Variants in NDUFA8 observed in about 807,000 individuals in gnomAD.
NDUFA8 encodes the protein NADH dehydrogenase [ubiquinone] 1 alpha subcomplex subunit 8.
In NDUFA8, 16 loss-of-function variants were observed where a neutral mutation model predicts 20.9. The observed-to-expected ratio is 0.77, with a 90% CI of 0.52 to 1.16. The LOEUF is 1.16. Ranked by LOEUF, NDUFA8 falls within the 50% of genes most tolerant of loss-of-function variation. The probability of loss-of-function intolerance (pLI) is 0.00; values close to 1 mark genes in which losing one functional copy is unlikely to be tolerated. For synonymous variants in NDUFA8, 70 were observed against 76.1 expected (o/e 0.92, Z 0.41); for missense variants, 202 against 216.4 (o/e 0.93, Z 0.42).
At chr9:122,138,941 G>A in the NDUFA8 span, among the ~76,000 whole-genome samples, 1 of 151,798 alleles carries the variant, frequency 6.6e-6, no homozygotes, top group Non-Finnish European at 1.5e-5. Flanking sequence ...ATGGAGTGTT[G>A]GGGGACAGTA....
At chr9:122,143,949 G>A (rs1481938183), downstream of NDUFA8, 4 of 722,648 alleles carry the variant, frequency 5.5e-6, no homozygotes, top group African/African-American at 1.8e-5. Flanking sequence ...ACATGAGCGA[G>A]TGCCTAAAGC....
downstream of NDUFA8, among the ~76,000 whole-genome samples, chr9:122,142,046 G>C (rs1426077236): frequency 1.3e-5 from 2 of 152,200 alleles, no homozygotes; most frequent in Non-Finnish European, 2.9e-5. Flanking sequence ...AACAGTGCTA[G>C]AAGTTGCAGC....
At chr9:122,154,288 T>C (rs7031791) in intron 1 of NDUFA8, among the ~76,000 whole-genome samples, 48,068 of 152,088 alleles carry the variant, frequency 0.32, 11,234 homozygotes, top group African/African-American at 0.66. Flanking sequence ...AAAATGGGGA[T>C]ACAATAATTA....
intron 1 of NDUFA8, among the ~76,000 whole-genome samples, chr9:122,159,198 C>G (rs1480029759): frequency 6.6e-6 from 1 of 152,148 alleles, no homozygotes; most frequent in African/African-American, 2.4e-5. Flanking sequence ...TTCGTCACCC[C>G]ACTCTATGCA....
the NDUFA8 span, among the ~76,000 whole-genome samples, chr9:122,136,835 G>A: frequency 2.0e-4 from 30 of 152,192 alleles, no homozygotes; most frequent in Middle Eastern, 6.3e-3. Flanking sequence ...GATTACAGGC[G>A]TGAGCCACCG....
the NDUFA8 span, among the ~76,000 whole-genome samples, chr9:122,134,164 C>T: frequency 6.6e-6 from 1 of 152,198 alleles, no homozygotes; most frequent in South Asian, 2.1e-4. Flanking sequence ...ACGCTTGGCA[C>T]GTGGTAGGCT....
chr9:122,144,251 C>G lies in NDUFA8; in HGVS notation c.509G>C (p.Trp170Ser). ...PATHGSRFYF[W>S]TK ...GCCACGGACCCATCTTTACTTGGTCCAGAAATAAAAGCGGCTGCCATGTGT... is the reference window on the plus strand; with the variant it reads ...GCCACGGACCCATCTTTACTTGGTCGAGAAATAAAAGCGGCTGCCATGTGT... Residue 170 changes from tryptophan to serine, a missense_variant, in exon 4 of 4, where the codon TGG (tryptophan) becomes TCG (serine). Physicochemically the swap from Trp to Ser is radical, Grantham distance 177. Transcript: ENST00000373768. 1 of 1,613,946 alleles carries G rather than the reference C, an allele frequency of 6.2e-7. No individual in the cohort carries two copies. Among genetic ancestry groups the G allele is most frequent in the Non-Finnish European group, 8.5e-7 (1 of 1,180,018 alleles).
At chr9:122,133,096 GGAAAT>G in the NDUFA8 span, 1 of 448,740 alleles carries the variant, frequency 2.2e-6, no homozygotes, top group South Asian at 1.6e-5. Context: ...TCATGGGTGA[GGAAAT>G]GAAGGCTCAG....
chr9:122,140,238 A>C (rs1828800078), downstream of NDUFA8, among the ~76,000 whole-genome samples: 1 of 152,220 alleles, frequency 6.6e-6, no homozygotes, highest in South Asian at 2.1e-4. Context: ...TAAATTTGCA[A>C]ATTTCAATAT....
intron 1 of NDUFA8, among the ~76,000 whole-genome samples, chr9:122,158,717 CAT>C (rs140224252): frequency 0.021 from 3,044 of 142,414 alleles, 118 homozygotes; most frequent in African/African-American, 0.073. Context: ...ATGGTATATA[CAT>C]ATATATATAT....
chr9:122,155,005 C>T (rs1379996585), intron 1 of NDUFA8, among the ~76,000 whole-genome samples: 1 of 152,126 alleles, frequency 6.6e-6, no homozygotes, highest in East Asian at 1.9e-4. Flanking sequence ...GTGTATTATG[C>T]TTTAATACTC....
chr9:122,154,378 T>C (rs973026086), intron 1 of NDUFA8, among the ~76,000 whole-genome samples: 10 of 152,256 alleles, frequency 6.6e-5, no homozygotes, highest in Non-Finnish European at 1.3e-4. Context: ...ATTCAAGTCA[T>C]TCTTGTCCTT....
At chr9:122,159,576 C>A (rs1829147408) in intron 1 of NDUFA8, 51 bp downstream of exon 1, 2 of 1,609,896 alleles carry the variant, frequency 1.2e-6, no homozygotes, top group Non-Finnish European at 1.7e-6. Flanking sequence ...GGCCCAGGCC[C>A]GAGAAGCCGC....
rs71508152 is a variant in NDUFA8, at chr9:122,150,971, C to CAAAA, written c.215+1270_215+1273dup. ...TGGGCAACAGAGTGAGACTCCGTCT[C>CAAAA]AAAAAAAAAAAAAAAAAAAAAAAAG... On this transcript the variant is annotated intron_variant, in intron 2 of 3. Coordinates refer to ENST00000373768, the MANE Select transcript of NDUFA8 (RefSeq NM_014222.3). Among the ~76,000 whole-genome samples the CAAAA allele has an allele frequency of 1.9e-3, 94 of 50,258 alleles. 1 individual carries two copies. The highest frequency in any genetic ancestry group is 2.4e-3 in the Admixed American group (8 of 3,280). 33.0% of individuals were successfully genotyped at this position (50,258 alleles called of 152,430 possible). A position where few individuals can be genotyped will look rare whatever the true frequency, so the allele number is the denominator to read the frequency against.
At chr9:122,142,968 G>C (rs1350069269), downstream of NDUFA8, among the ~76,000 whole-genome samples, 1 of 152,238 alleles carries the variant, frequency 6.6e-6, no homozygotes, top group African/African-American at 2.4e-5. Context: ...TGAGGCAAAA[G>C]TTGGTTGGCA....
chr9:122,153,175 G>A (rs1301816480), intron 1 of NDUFA8, among the ~76,000 whole-genome samples: 2 of 151,496 alleles, frequency 1.3e-5, no homozygotes, highest in Non-Finnish European at 2.9e-5. Context: ...GTTGAGGCAT[G>A]AGAATTGCTT....
rs757276284 is a variant in NDUFA8 at position 122,144,208 on chromosome 9, G to A, written c.*33C>T. The stretch of plus-strand genomic sequence containing the variant: ...GGCGTTTTCATCAGTCGTTGTCTGA[G>A]CACATGACCGAGTGTGGGCCACGGA... On this transcript the variant is annotated 3_prime_UTR_variant, in exon 4 of 4. Transcript: ENST00000373768. The A allele has an allele frequency of 1.2e-6, 2 of 1,612,882 alleles. No individual in the cohort carries two copies. The highest frequency in any genetic ancestry group is 1.7e-6 in the Non-Finnish European group (2 of 1,179,974).
At chr9:122,151,442 C>A (rs1273176381) in intron 2 of NDUFA8, among the ~76,000 whole-genome samples, 1 of 152,224 alleles carries the variant, frequency 6.6e-6, no homozygotes, top group Non-Finnish European at 1.5e-5. Context: ...CTTCTGCTCA[C>A]TTCTGGATAA....
Position 122,144,202 on chromosome 9 carries a change from G to A in NDUFA8, c.*39C>T. 3 of 1,612,774 alleles carry A rather than the reference G, an allele frequency of 1.9e-6. No homozygotes were observed. The highest frequency in any genetic ancestry group is 2.5e-6 in the Non-Finnish European group (3 of 1,179,942). On this transcript the variant is annotated 3_prime_UTR_variant, in exon 4 of 4. Coordinates refer to ENST00000373768, the MANE Select transcript of NDUFA8 (RefSeq NM_014222.3). ...CGCATGGGCGTTTTCATCAGTCGTT[G>A]TCTGAGCACATGACCGAGTGTGGGC...
Sources: gnomAD v4.1 joint callset for allele counts (sites outside exome capture counted in the v4.1 genomes callset) on GRCh38, gnomAD v4.1.1 for gene constraint, MANE v1.5 for transcripts, NCBI Gene and HGNC (gene_info 2026-07-23, HGNC 2026-07-21) for gene names.